The following TMCO6 variants were observed in gnomAD, a reference collection of about 807,000 sequenced individuals.
TMCO6 encodes the protein transmembrane and coiled-coil domain-containing protein 6.
TMCO6 carries 47 observed loss-of-function variants against 61.8 expected under a neutral mutation model. The observed-to-expected ratio is 0.76, with a 90% CI of 0.60 to 0.97. TMCO6 has a LOEUF of 0.97. TMCO6 is among the 50% of genes least tolerant of loss of function. The probability of loss-of-function intolerance (pLI) is 0.00; values close to 1 mark genes in which losing one functional copy is unlikely to be tolerated. For synonymous variants in TMCO6, 261 were observed against 254.2 expected (o/e 1.03, Z -0.25); for missense variants, 557 against 601.6 (o/e 0.93, Z 0.78).
chr5:140,642,230 T>TCCC (rs1481340074), intron 4 of TMCO6, 85 bp from the exon 5 acceptor site: 4 of 1,413,570 alleles, frequency 2.8e-6, no homozygotes. Context: ...TGCTCCAGCG[T>TCCC]CCCCATCACC....
the TMCO6 span, among the ~76,000 whole-genome samples, chr5:140,612,483 G>A: frequency 6.6e-6 from 1 of 152,078 alleles, no homozygotes; most frequent in East Asian, 1.9e-4. Flanking sequence ...GGGACTATAG[G>A]CGCCCGCCAC....
chr5:140,616,042 G>A, the TMCO6 span, among the ~76,000 whole-genome samples: 1 of 152,146 alleles, frequency 6.6e-6, no homozygotes, highest in Non-Finnish European at 1.5e-5. Flanking sequence ...TGAGGCAGGA[G>A]AATCACTTGA....
In TMCO6 at chr5:140,641,779, C is replaced by T. The variant is rs749443240; in HGVS notation, c.313C>T (p.Arg105Trp). ...QHPETQQTFI[R>W]LEGSMRTLVG... ...CCCTGAAACACAGCAAACCTTCATCCGGTCAGTGTGGATGGTGTGGTGGAG... is the reference window on the plus strand; with the variant it reads ...CCCTGAAACACAGCAAACCTTCATCTGGTCAGTGTGGATGGTGTGGTGGAG... Residue 105 changes from arginine to tryptophan, a missense_variant and splice_region_variant, in exon 3 of 12, where the codon CGG (arginine) becomes TGG (tryptophan). Physicochemically the swap from Arg to Trp is moderately radical, Grantham distance 101. Coordinates refer to ENST00000394671, the MANE Select transcript of TMCO6 (RefSeq NM_018502.5). The T allele has an allele frequency of 7.9e-5, 127 of 1,614,044 alleles. 1 individual carries two copies. Among genetic ancestry groups the T allele is most frequent in the South Asian group, 6.4e-4 (58 of 91,066 alleles).
chr5:140,632,052 C>T, the TMCO6 span: 2 of 1,614,240 alleles, frequency 1.2e-6, no homozygotes, highest in Non-Finnish European at 8.5e-7. The surrounding 1 kb of genome is among the most constrained non-coding windows in gnomAD (Gnocchi z 6.2). Flanking sequence ...CTGCGGCGCC[C>T]TGTTCAGTCT....
chr5:140,619,703 C>T, the TMCO6 span, among the ~76,000 whole-genome samples: 4 of 152,104 alleles, frequency 2.6e-5, no homozygotes, highest in Non-Finnish European at 4.4e-5. Context: ...TGCCTCTAAC[C>T]TAACTGGGCC....
the TMCO6 span, among the ~76,000 whole-genome samples, chr5:140,617,093 AAAG>A: frequency 6.6e-6 from 1 of 152,266 alleles, no homozygotes; most frequent in African/African-American, 2.4e-5. Flanking sequence ...ACATTTCTCC[AAAG>A]AAGATATATA....
the TMCO6 span, among the ~76,000 whole-genome samples, chr5:140,609,552 C>T: frequency 6.6e-6 from 1 of 151,838 alleles, no homozygotes; most frequent in South Asian, 2.1e-4. Flanking sequence ...ACACCCTGTC[C>T]TGGATCCAAG....
upstream of TMCO6, chr5:140,639,201 G>A: frequency 3.4e-6 from 1 of 294,332 alleles, no homozygotes; most frequent in South Asian, 3.2e-5. Flanking sequence ...TTGCTGAGTA[G>A]ATTGTGACAC....
the TMCO6 span, among the ~76,000 whole-genome samples, chr5:140,612,619 G>T: frequency 6.6e-6 from 1 of 152,136 alleles, no homozygotes; most frequent in African/African-American, 2.4e-5. Flanking sequence ...GATTACAGGC[G>T]TGAGCCACCG....
At chr5:140,633,231 C>G in the TMCO6 span, 2 of 879,550 alleles carry the variant, frequency 2.3e-6, no homozygotes, top group East Asian at 2.6e-5. Context: ...ATTCAGTTCC[C>G]TCCTCTGTGA....
chr5:140,631,885 G>T, the TMCO6 span: 1 of 1,584,138 alleles, frequency 6.3e-7, no homozygotes, highest in Non-Finnish European at 8.6e-7. Flanking sequence ...CCTTGGAGCA[G>T]CACCAGGGTT....
chr5:140,641,093 G>A (rs1268684505), intron 2 of TMCO6: 1 of 155,104 alleles, frequency 6.4e-6, no homozygotes, highest in South Asian at 2.0e-4. Flanking sequence ...ACAGCCCGGT[G>A]AAGAAGACAG....
chr5:140,647,537 A>G (rs1757476606), downstream of TMCO6: 4 of 1,612,316 alleles, frequency 2.5e-6, no homozygotes, highest in Non-Finnish European at 3.4e-6. Context: ...AATCTCACGC[A>G]GGCCCAGCTT....
chr5:140,631,538 C>G, the TMCO6 span, among the ~76,000 whole-genome samples: 1 of 152,172 alleles, frequency 6.6e-6, no homozygotes, highest in Non-Finnish European at 1.5e-5. Flanking sequence ...CTCATTGTTT[C>G]TCCCATGCAG....
the TMCO6 span, among the ~76,000 whole-genome samples, chr5:140,631,090 T>G: frequency 1.3e-5 from 2 of 152,244 alleles, no homozygotes; most frequent in East Asian, 3.8e-4. Flanking sequence ...AAAGGTTATC[T>G]GCATATGTGT....
chr5:140,609,891 T>C, the TMCO6 span, among the ~76,000 whole-genome samples: 16 of 152,238 alleles, frequency 1.1e-4, no homozygotes, highest in East Asian at 3.1e-3. Context: ...TTTTCTTTTT[T>C]TGAGACAGAG....
the TMCO6 span, chr5:140,633,436 C>A: frequency 1.4e-5 from 6 of 441,396 alleles, no homozygotes; most frequent in Non-Finnish European, 2.5e-5. Flanking sequence ...GACTCGGGAG[C>A]CTAAGCCTTC....
the TMCO6 span, among the ~76,000 whole-genome samples, chr5:140,623,453 G>C: frequency 6.6e-6 from 1 of 151,558 alleles, no homozygotes; most frequent in African/African-American, 2.4e-5. Flanking sequence ...TTTGTTCAGG[G>C]CTCAGTCCTT....
chr5:140,606,074 T>G, the TMCO6 span, among the ~76,000 whole-genome samples: 1 of 103,470 alleles, frequency 9.7e-6, no homozygotes, highest in African/African-American at 3.6e-5. Flanking sequence ...CTTCCTTCCC[T>G]CCCTCCCTCC....
Sources: gnomAD v4.1 joint callset for allele counts (sites outside exome capture counted in the v4.1 genomes callset) on GRCh38, gnomAD v4.1.1 for gene constraint, Gnocchi (gnomAD v3.1) non-coding constraint, MANE v1.5 for transcripts, NCBI Gene and HGNC (gene_info 2026-07-23, HGNC 2026-07-21) for gene names.